Variants in RHAG observed in about 807,000 individuals in gnomAD.
RHAG encodes Rh associated glycoprotein, also known as ammonium transporter Rh type A.
Under a neutral mutation model 42.4 loss-of-function variants are expected in RHAG, and 25 were observed. The observed-to-expected ratio is 0.59, with a 90% confidence interval of 0.43 to 0.82. RHAG has a LOEUF of 0.82. Ranked by LOEUF, RHAG falls within the 40% of genes least tolerant of loss-of-function variation. RHAG has a pLI of 0.00. For missense variants in RHAG, 483 were observed against 504.6 expected (o/e 0.96, Z 0.41); for synonymous variants, 182 against 177.7 (o/e 1.02, Z -0.19).
intron 1 of RHAG, among the ~76,000 whole-genome samples, chr6:49,621,315 T>C (rs1248973739): frequency 2.0e-5 from 3 of 152,192 alleles, no homozygotes; most frequent in Non-Finnish European, 4.4e-5. Context: ...ATGCTCTTCT[T>C]TTGCTCAAGA....
Position 49,607,149 on chromosome 6 carries a change from C to A in RHAG, c.1138+1G>T. ...GGGAAGTGTTCACTTTTTATGCTGA[C>A]CTGTCATCAGACCTCCAACAACTGC... On this transcript the variant is annotated splice_donor_variant, in intron 8 of 9. Transcript: ENST00000371175. LOFTEE classifies it high-confidence loss of function. The A allele has an allele frequency of 6.2e-7, 1 of 1,611,916 alleles. No individual in the cohort carries two copies. Among genetic ancestry groups the A allele is most frequent in the Non-Finnish European group, 8.5e-7 (1 of 1,178,192 alleles).
intron 5 of RHAG, 73 bp downstream of exon 5, chr6:49,614,614 T>C: frequency 3.1e-6 from 4 of 1,282,756 alleles, no homozygotes; most frequent in Non-Finnish European, 4.5e-6. Flanking sequence ...GATGCAGAAA[T>C]TACCTACTAC....
intron 3 of RHAG, among the ~76,000 whole-genome samples, chr6:49,617,359 A>G (rs1762672837): frequency 6.6e-6 from 1 of 152,194 alleles, no homozygotes; most frequent in Non-Finnish European, 1.5e-5. Context: ...ATTGCAATTT[A>G]TAATAACATT....
intron 1 of RHAG, among the ~76,000 whole-genome samples, chr6:49,628,175 GA>G (rs1762872908): frequency 6.6e-5 from 10 of 151,744 alleles, no homozygotes; most frequent in Admixed American, 5.3e-4. Flanking sequence ...GAGAGAGAGA[GA>G]GACAGGGTCT....
chr6:49,624,636 T>C (rs1251669611), intron 1 of RHAG, among the ~76,000 whole-genome samples: 1 of 152,240 alleles, frequency 6.6e-6, no homozygotes, highest in Non-Finnish European at 1.5e-5. Flanking sequence ...TCCTCATCTG[T>C]AAAATGGGAC....
At chr6:49,611,422 A>G (rs1762567004) in intron 6 of RHAG, among the ~76,000 whole-genome samples, 1 of 152,180 alleles carries the variant, frequency 6.6e-6, no homozygotes, top group Non-Finnish European at 1.5e-5. Context: ...CTCATTTAGA[A>G]TAAATTCTAT....
chr6:49,629,478 G>A (rs553913841), intron 1 of RHAG, among the ~76,000 whole-genome samples: 2 of 152,216 alleles, frequency 1.3e-5, no homozygotes, highest in African/African-American at 4.8e-5. Context: ...GAGCTCAGCC[G>A]GCTTCACCCA....
intron 1 of RHAG, among the ~76,000 whole-genome samples, chr6:49,629,600 G>A (rs931653301): frequency 6.6e-6 from 1 of 152,120 alleles, no homozygotes; most frequent in South Asian, 2.1e-4. Context: ...GGAGCAGGGG[G>A]TGGCGTTCAT....
At chr6:49,612,147 T>G (rs937475463) in intron 6 of RHAG, among the ~76,000 whole-genome samples, 6 of 152,146 alleles carry the variant, frequency 3.9e-5, no homozygotes, top group Non-Finnish European at 8.8e-5. Flanking sequence ...GTAATGGCCA[T>G]GTACTTAACA....
chr6:49,621,459 C>A (rs1303940820), intron 1 of RHAG, among the ~76,000 whole-genome samples: 1 of 152,136 alleles, frequency 6.6e-6, no homozygotes, highest in African/African-American at 2.4e-5. Context: ...GAGGCCTTCT[C>A]CTTCTCTGCC....
rs1319917367 is a variant in RHAG at position 49,611,076 on chromosome 6, C to T, written c.1015G>A (p.Val339Ile). The change falls in exon 7 of 10, where the codon GTA (valine) becomes ATA (isoleucine). Residue 339 changes from valine (V) to isoleucine (I), a missense_variant. Val to Ile is a conservative substitution (Grantham distance 29). Coordinates refer to ENST00000371175, the MANE Select transcript of RHAG (RefSeq NM_000324.3). ...ACAATGCCTGCAAGGCCTCCCACTA[C>T]ACCAGGTAAGCCGTGGAGGTTATGG... ...GVHNLHGLPGVVGGLAGIVAV... is the reference protein window; with the variant it reads ...GVHNLHGLPGIVGGLAGIVAV... 5.0e-6 allele frequency: 8 copies of T among 1,613,790 alleles called. No homozygotes were observed. The highest frequency in any genetic ancestry group is 1.7e-5 in the Admixed American group (1 of 60,002).
rs763100365 is a variant in RHAG, at chr6:49,618,188, T to C, written c.372A>G (p.Thr124=). The change falls in exon 3 of 10, where the codon ACA becomes ACG. Residue 124 remains threonine, a synonymous_variant. Transcript: ENST00000371175. ...NMINADFSAA[T]VLISFGAVLG... is the part of the protein sequence containing the mutation. ...GGACAGCTCCAAAAGATATCAGAAC[T>C]GTGGCTGCACTGAAGTCTGCATTTA... The C allele has an allele frequency of 1.7e-5, 28 of 1,614,172 alleles. No homozygotes were observed. Among genetic ancestry groups the C allele is most frequent in the Non-Finnish European group, 1.5e-5 (18 of 1,180,028 alleles).
chr6:49,632,259 C>T (rs1184606572), intron 1 of RHAG: 2 of 152,088 alleles, frequency 1.3e-5, no homozygotes, highest in Non-Finnish European at 2.9e-5. Context: ...TGAACAAGAA[C>T]CATTTTAATA....
intron 7 of RHAG, among the ~76,000 whole-genome samples, chr6:49,609,220 C>G (rs1304303384): frequency 6.6e-6 from 1 of 151,610 alleles, no homozygotes; most frequent in Non-Finnish European, 1.5e-5. Context: ...AAGGCTTGCC[C>G]CCCTTCCCCT....
At chr6:49,615,833 A>C (rs1195542563) in intron 3 of RHAG, 62 bp from the exon 4 acceptor site, 10 of 1,495,336 alleles carry the variant, frequency 6.7e-6, no homozygotes. Flanking sequence ...TATGGGAGGA[A>C]AGTCAATGAA....
Position 49,608,928 on chromosome 6 carries a change from T to C in RHAG, c.1068-1708A>G, listed in dbSNP as rs541997164. On this transcript the variant is annotated intron_variant, in intron 7 of 9. Coordinates refer to ENST00000371175, the MANE Select transcript of RHAG (RefSeq NM_000324.3). ...TTAATTTTATAGGAATTTGCCAAGA[T>C]CTTTTACAAGGTCTTAAAAGATATT... Among the ~76,000 whole-genome samples the C allele has an allele frequency of 9.8e-5, 15 of 152,288 alleles. No individual in the cohort carries two copies. The East Asian group carries it at 2.5e-3, about 25-fold the overall frequency.
chr6:49,622,908 T>C (rs1762787729), intron 1 of RHAG, among the ~76,000 whole-genome samples: 1 of 148,964 alleles, frequency 6.7e-6, no homozygotes, highest in African/African-American at 2.5e-5. Flanking sequence ...CTATCTCGGC[T>C]CACTGCAAGC....
chr6:49,628,982 C>T (rs148866628), intron 1 of RHAG, among the ~76,000 whole-genome samples: 112 of 152,336 alleles, frequency 7.4e-4, no homozygotes, highest in African/African-American at 2.5e-3. Context: ...TATCTGGCCC[C>T]ACCCACATCC....
At chr6:49,610,473 G>A (rs1468688229) in intron 7 of RHAG, among the ~76,000 whole-genome samples, 7 of 152,128 alleles carry the variant, frequency 4.6e-5, no homozygotes, top group Admixed American at 2.6e-4. Context: ...AGGGATTTTG[G>A]AGAATAAATA....
Sources: gnomAD v4.1 joint callset for allele counts (sites outside exome capture counted in the v4.1 genomes callset) on GRCh38, gnomAD v4.1.1 for gene constraint, MANE v1.5 for transcripts, NCBI Gene and HGNC (gene_info 2026-07-23, HGNC 2026-07-21) for gene names.